The following ACACA variants were observed in gnomAD, a reference collection of about 807,000 sequenced individuals.
ACACA encodes acetyl-CoA carboxylase alpha, also known as acetyl-CoA carboxylase 1.
Under a neutral mutation model 296.1 loss-of-function variants are expected in ACACA, and 103 were observed. That is an observed-to-expected ratio of 0.35 (90% confidence interval 0.30 to 0.41). The LOEUF (loss-of-function observed/expected upper bound fraction) is 0.41, where lower values mean the gene tolerates loss of function less well. Among genes scored for constraint, ACACA ranks in the 10% least tolerant of loss-of-function variants. The probability of loss-of-function intolerance (pLI) is 1.00; values close to 1 mark genes in which losing one functional copy is unlikely to be tolerated. For synonymous variants in ACACA, 953 were observed against 1,038.6 expected (o/e 0.92, Z 1.58); for missense variants, 1,554 against 2,989.7 (o/e 0.52, Z 11.20).
chr17:37,089,152 G>A (rs2072435022), intron 54 of ACACA, 78 bp from the exon 55 acceptor site: 2 of 1,591,754 alleles, frequency 1.3e-6, no homozygotes, highest in Non-Finnish European at 8.6e-7. Flanking sequence ...GATCTGGAGT[G>A]CTTGCTTACT....
At chr17:37,137,243 A>G (rs949934557) in intron 45 of ACACA, among the ~76,000 whole-genome samples, 1 of 152,138 alleles carries the variant, frequency 6.6e-6, no homozygotes, top group African/African-American at 2.4e-5. Context: ...GTCGCCTCCT[A>G]CTGGTTTTAC....
At chr17:37,141,387 G>A (rs2075571592) in intron 45 of ACACA, 1 of 328,484 alleles carries the variant, frequency 3.0e-6, no homozygotes, top group South Asian at 2.9e-5. Flanking sequence ...ACTGCCAAAG[G>A]TTCCACGGTT....
chr17:37,104,944 GAAAAAAAAAAAA>G (rs66518229), intron 52 of ACACA, among the ~76,000 whole-genome samples: 1 of 56,644 alleles, frequency 1.8e-5, no homozygotes, highest in Non-Finnish European at 3.3e-5. Flanking sequence ...GTCTCTGACC[GAAAAAAAAAAAA>G]AAAAAAAAAA....
chr17:37,173,080 A>G (rs933685843), intron 41 of ACACA, among the ~76,000 whole-genome samples: 5 of 152,262 alleles, frequency 3.3e-5, no homozygotes, highest in African/African-American at 9.6e-5. Flanking sequence ...CATCACATTC[A>G]TGGAGCTATT....
Position 37,248,605 on chromosome 17 carries a change from C to T in ACACA, c.2151G>A (p.Lys717=), listed in dbSNP as rs1453618041. ...VDVELIYEGV[K]YVLKVTRQSP... The stretch of plus-strand genomic sequence containing the variant: ...GGGTTCTGCATACCTTAAGTACATA[C>T]TTGACTCCCTCATAGATAAGTTCAA... Residue 717 remains lysine, a synonymous_variant, in exon 17 of 56, where the codon AAG becomes AAA. Coordinates refer to ENST00000616317, the MANE Select transcript of ACACA (RefSeq NM_198834.3). 1.2e-6 allele frequency: 2 copies of T among 1,607,028 alleles called. No individual in the cohort carries two copies. Among genetic ancestry groups the T allele is most frequent in the Admixed American group, 1.7e-5 (1 of 59,972 alleles).
rs185531179 is a variant in ACACA, at chr17:37,153,935, T to C, written c.5447+1748A>G. Among the ~76,000 whole-genome samples, 27 of 152,306 alleles carry C rather than the reference T, an allele frequency of 1.8e-4. 1 individual carries two copies. Among genetic ancestry groups the C allele is most frequent in the Admixed American group, 1.7e-3 (26 of 15,296 alleles). On this transcript the variant is annotated intron_variant, in intron 43 of 55. Coordinates refer to ENST00000616317, the MANE Select transcript of ACACA (RefSeq NM_198834.3). ...TTGGGGAAAGTTAGTATTATGAAGA[T>C]GTCACTTCTTAAATTAATGTGTAAA... is the stretch of plus-strand genomic sequence containing the variant.
intron 43 of ACACA, among the ~76,000 whole-genome samples, chr17:37,153,530 A>G (rs926546247): frequency 1.3e-5 from 2 of 152,202 alleles, no homozygotes; most frequent in African/African-American, 2.4e-5. Context: ...TGAAAACTCA[A>G]TGAAGAACAA....
rs2049986510 is a variant in ACACA, at chr17:37,376,026, C to T, written c.38+30236G>A. 3 of 1,375,918 alleles carry T rather than the reference C, an allele frequency of 2.2e-6. No individual in the cohort carries two copies. In the Admixed American group the frequency reaches 5.1e-5, roughly 23 times the overall value. The allele number at this position is 1,375,918 out of a possible 1,614,324, so 85.2% of individuals were successfully genotyped here. On this transcript the variant is annotated intron_variant, in intron 1 of 55. Transcript: ENST00000616317. ...TGCGTGTGGTGAAAGCAACTAGAGG[C>T]AGAGCTATCAAGGGCTGTGACAGAT...
intron 3 of ACACA, among the ~76,000 whole-genome samples, chr17:37,287,417 C>A (rs1353740561): frequency 6.6e-6 from 1 of 151,894 alleles, no homozygotes; most frequent in East Asian, 1.9e-4. Flanking sequence ...CTTGCAAAAC[C>A]ACCACCTACG....
intron 35 of ACACA, among the ~76,000 whole-genome samples, chr17:37,193,887 T>C (rs1287238576): frequency 1.3e-5 from 2 of 152,100 alleles, no homozygotes; most frequent in African/African-American, 4.8e-5. Context: ...TATTCTCAAG[T>C]CAATAATGTC....
intron 3 of ACACA, among the ~76,000 whole-genome samples, chr17:37,309,469 A>T (rs989027737): frequency 1.3e-5 from 2 of 152,158 alleles, no homozygotes; most frequent in African/African-American, 4.8e-5. Context: ...AAACATTACA[A>T]ATTGTGATAA....
At chr17:37,350,820 C>T (rs993121171) in intron 1 of ACACA, among the ~76,000 whole-genome samples, 4 of 151,498 alleles carry the variant, frequency 2.6e-5, no homozygotes, top group African/African-American at 9.7e-5. Flanking sequence ...ACGTACATGG[C>T]CCCCTTTTGT....
intron 29 of ACACA, among the ~76,000 whole-genome samples, chr17:37,216,189 C>T (rs961175178): frequency 4.2e-4 from 60 of 141,376 alleles, no homozygotes; most frequent in African/African-American, 1.4e-3. Context: ...CATACACACA[C>T]GTGTGTGTGT....
rs73982220 is a variant in ACACA, at chr17:37,090,464, T to C, written c.6892-1390A>G. On this transcript the variant is annotated intron_variant, in intron 54 of 55. Coordinates refer to ENST00000616317, the MANE Select transcript of ACACA (RefSeq NM_198834.3). The stretch of plus-strand genomic sequence containing the variant: ...TCCATTTCTTTTTCTGACTCAAATG[T>C]GCCCAGTTCTGTATCTAATCACTGA... Among the ~76,000 whole-genome samples the C allele has an allele frequency of 1.1e-3, 169 of 152,292 alleles. 1 individual carries two copies. Among genetic ancestry groups the C allele is most frequent in the African/African-American group, 4.0e-3 (166 of 41,558 alleles).
At chr17:37,312,049 G>C (rs1393921195) in intron 3 of ACACA, among the ~76,000 whole-genome samples, 1 of 151,968 alleles carries the variant, frequency 6.6e-6, no homozygotes, top group African/African-American at 2.4e-5. Flanking sequence ...CCAGGAGTTT[G>C]AGACCAGCCT....
intron 45 of ACACA, among the ~76,000 whole-genome samples, chr17:37,149,187 A>C (rs1213931038): frequency 1.3e-5 from 2 of 152,190 alleles, no homozygotes; most frequent in Non-Finnish European, 2.9e-5. Flanking sequence ...AAAGGCACAA[A>C]TCTTTCTTTG....
chr17:37,228,206 C>CTTT (rs11299899), intron 25 of ACACA, among the ~76,000 whole-genome samples: 31 of 106,048 alleles, frequency 2.9e-4, no homozygotes, highest in South Asian at 7.4e-4. Flanking sequence ...TTCTCAAACC[C>CTTT]TTTTTTTTTT....
chr17:37,104,265 T>A (rs2073538820), intron 52 of ACACA, among the ~76,000 whole-genome samples: 1 of 152,152 alleles, frequency 6.6e-6, no homozygotes, highest in South Asian at 2.1e-4. Flanking sequence ...TAAGTCCCCA[T>A]GAAATCCTAA....
chr17:37,336,116 T>C (rs1182018717), intron 2 of ACACA, among the ~76,000 whole-genome samples: 3 of 152,098 alleles, frequency 2.0e-5, no homozygotes. Context: ...ATCGAAGCAG[T>C]AAAACTACAA....
Sources: allele counts gnomAD v4.1 joint callset (sites outside exome capture counted in the v4.1 genomes callset), GRCh38; gene constraint gnomAD v4.1.1; transcripts MANE v1.5; gene names NCBI Gene and HGNC (gene_info 2026-07-23, HGNC 2026-07-21).